MAPKBP1: variants seen among roughly 807,000 people sequenced by gnomAD.
MAPKBP1 encodes the protein mitogen-activated protein kinase binding protein 1.
In MAPKBP1, 71 loss-of-function variants were observed where a neutral mutation model predicts 170.5. The ratio of observed to expected loss-of-function variants is 0.42; its 90% CI spans 0.34 to 0.51. The LOEUF (loss-of-function observed/expected upper bound fraction) is 0.51, where lower values mean the gene tolerates loss of function less well. Ranked by LOEUF, MAPKBP1 falls within the 20% of genes least tolerant of loss-of-function variation. The pLI is 0.06. For synonymous variants in MAPKBP1, 719 were observed against 757.9 expected, an observed-to-expected ratio of 0.95 and a Z score of 0.84; for missense variants, 1,598 against 1,933.0, an observed-to-expected ratio of 0.83 and a Z score of 3.25.
chr15:41,819,555 G>GGTGC, intron 21 of MAPKBP1, 40 bp from the exon 22 acceptor site: 1 of 1,481,944 alleles, frequency 6.7e-7, no homozygotes, highest in Non-Finnish European at 9.3e-7. Context: ...GGCGGGGGGG[G>GGTGC]GGCAGGAGAC....
intron 3 of MAPKBP1, among the ~76,000 whole-genome samples, chr15:41,805,009 C>T (rs1238431960): frequency 6.6e-6 from 1 of 152,178 alleles, no homozygotes; most frequent in African/African-American, 2.4e-5. Flanking sequence ...TACACTGCCC[C>T]CAGCCCCCAC....
chr15:41,805,214 C>T (rs918259241), intron 3 of MAPKBP1, among the ~76,000 whole-genome samples: 3 of 152,200 alleles, frequency 2.0e-5, no homozygotes, highest in South Asian at 2.1e-4. Context: ...GTAGGAGCTC[C>T]AGGCTGAGCA....
chr15:41,793,284 G>A (rs1199675937), intron 2 of MAPKBP1, among the ~76,000 whole-genome samples: 2 of 152,098 alleles, frequency 1.3e-5, no homozygotes, highest in Non-Finnish European at 2.9e-5. Flanking sequence ...TCAGGAGATC[G>A]AGACCATACT....
chr15:41,790,346 A>G (rs1233023269), intron 2 of MAPKBP1, among the ~76,000 whole-genome samples: 1 of 152,172 alleles, frequency 6.6e-6, no homozygotes, highest in African/African-American at 2.4e-5. Context: ...CCTACTCCTT[A>G]TCTTTTCATT....
In MAPKBP1 at chr15:41,825,847, G is replaced by A. The variant is rs1298957992; in HGVS notation, c.*411G>A. The A allele has an allele frequency of 4.4e-5, 7 of 158,238 alleles. No individual in the cohort carries two copies. Among genetic ancestry groups the A allele is most frequent in the African/African-American group, 1.7e-4 (7 of 41,718 alleles). The allele number at this position is 158,238 out of a possible 1,614,324, so 9.8% of individuals were successfully genotyped here. A position where few individuals can be genotyped will look rare whatever the true frequency, so the allele number is the denominator to read the frequency against. ...CTCTGGGGTCGAGGTGAGAGGTGAT[G>A]TGGTATTCAGTGCCCGTCAGCCAAC... On this transcript the variant is annotated 3_prime_UTR_variant, in exon 31 of 31. Coordinates refer to ENST00000457542, the MANE Select transcript of MAPKBP1 (RefSeq NM_014994.3).
chr15:41,821,365 A>G, intron 23 of MAPKBP1: 1 of 608,982 alleles, frequency 1.6e-6, no homozygotes, highest in South Asian at 2.0e-5. Context: ...GTGCTAATAT[A>G]GTTCATCCAG....
chr15:41,813,507 C>T, intron 8 of MAPKBP1, 114 bp from the exon 9 acceptor site: 3 of 1,487,390 alleles, frequency 2.0e-6, no homozygotes, highest in South Asian at 1.2e-5. Context: ...GCGGCTTTTC[C>T]CTTGCCCCTG....
At chr15:41,809,824 G>T (rs1164049691) in intron 3 of MAPKBP1, among the ~76,000 whole-genome samples, 1 of 152,242 alleles carries the variant, frequency 6.6e-6, no homozygotes, top group Admixed American at 6.5e-5. Flanking sequence ...TGACGGGAGA[G>T]GTTGCCCCCA....
At chr15:41,794,612 T>C (rs1016196292) in intron 2 of MAPKBP1, among the ~76,000 whole-genome samples, 1 of 152,170 alleles carries the variant, frequency 6.6e-6, no homozygotes, top group Non-Finnish European at 1.5e-5. Context: ...TTTATTGGTC[T>C]GAAATACCCC....
In MAPKBP1 at chr15:41,814,532, C is replaced by G; in HGVS notation, c.981-18C>G. 1.2e-6 allele frequency: 2 copies of G among 1,612,564 alleles called. No homozygotes were observed. Among genetic ancestry groups the G allele is most frequent in the Non-Finnish European group, 1.7e-6 (2 of 1,178,928 alleles). On this transcript the variant is annotated intron_variant, in intron 9 of 30. Coordinates refer to ENST00000457542, the MANE Select transcript of MAPKBP1 (RefSeq NM_014994.3). ...ATTCCCTTCAGTCTGACCAGTGTGCCCTGTCCTCTCCCTACAGTCGCCTCT... is the reference window on the plus strand; with the variant it reads ...ATTCCCTTCAGTCTGACCAGTGTGCGCTGTCCTCTCCCTACAGTCGCCTCT...
At chr15:41,797,010 C>T (rs1380782709) in intron 2 of MAPKBP1, among the ~76,000 whole-genome samples, 1 of 152,124 alleles carries the variant, frequency 6.6e-6, no homozygotes, top group Non-Finnish European at 1.5e-5. Flanking sequence ...TATGCACACA[C>T]GTCTCTATAT....
Position 41,816,541 on chromosome 15 carries a change from C to T in MAPKBP1, c.1494-18C>T, listed in dbSNP as rs1250653008. On this transcript the variant is annotated intron_variant, in intron 12 of 30. Transcript: ENST00000457542. ...CGGCCTGGCCATGGCCTCTTCCCACCTCTCCTCATCTTTGCAGGGTGCACG... is the reference window on the plus strand; with the variant it reads ...CGGCCTGGCCATGGCCTCTTCCCACTTCTCCTCATCTTTGCAGGGTGCACG... 3.8e-6 allele frequency: 6 copies of T among 1,597,540 alleles called. No homozygotes were observed. The Admixed American group carries it at 1.0e-4, about 27-fold the overall frequency.
At position 41,810,901 on chromosome 15, in the gene MAPKBP1, C is replaced by G. The variant is rs1168441168; in HGVS notation, c.225C>G (p.Phe75Leu). The change falls in exon 4 of 31, where the codon TTC (phenylalanine) becomes TTG (leucine). Residue 75 changes from phenylalanine to leucine, a missense_variant. Physicochemically the swap from Phe to Leu is conservative, Grantham distance 22. Transcript: ENST00000457542. ...TCCTCAGGTGTGTGGTTGTGTTGTT[C>G]AATCCCCGGAAACACAAACAGCACC... ...AYPAGCVVVL[F>L]NPRKHKQHHI... 6.2e-7 allele frequency: 1 copy of G among 1,614,032 alleles called. No homozygotes were observed. Among genetic ancestry groups the G allele is most frequent in the Non-Finnish European group, 8.5e-7 (1 of 1,180,032 alleles).
Position 41,822,121 on chromosome 15 carries a change from A to T in MAPKBP1, c.3031+11A>T. ...AGCACCCCACTGAAGGTGAGGCTGT[A>T]GCCTGGAGGGAGGGGCCATGGGGGG... On this transcript the variant is annotated intron_variant, in intron 25 of 30. Coordinates refer to ENST00000457542, the MANE Select transcript of MAPKBP1 (RefSeq NM_014994.3). The T allele has an allele frequency of 1.4e-6, 2 of 1,459,018 alleles. No homozygotes were observed. Among genetic ancestry groups the T allele is most frequent in the Non-Finnish European group, 1.9e-6 (2 of 1,075,530 alleles). 90.4% of individuals were successfully genotyped at this position (1,459,018 alleles called of 1,614,324 possible).
Position 41,823,630 on chromosome 15 carries a change from A to T in MAPKBP1, c.3782A>T (p.Asn1261Ile), listed in dbSNP as rs1437008489. 6.2e-7 allele frequency: 1 copy of T among 1,613,962 alleles called. No individual in the cohort carries two copies. The highest frequency in any genetic ancestry group is 2.2e-5 in the East Asian group (1 of 44,876). The change falls in exon 29 of 31, where the codon AAC becomes ATC. Residue 1261 changes from asparagine to isoleucine, a missense_variant. Transcript: ENST00000457542. ...KISRSISVGE[N>I]LGLVAEPQAH... ...TCCCGCAGTATCTCTGTTGGGGAGA[A>T]CCTGGGCCTGGTGGCTGAACCTCAA...
At chr15:41,821,925 T>A in intron 24 of MAPKBP1, 40 bp from the exon 25 acceptor site, 8 of 1,601,564 alleles carry the variant, frequency 5.0e-6, no homozygotes, top group Non-Finnish European at 6.8e-6. Flanking sequence ...TGCCTACCCC[T>A]GCTCACTGCC....
At chr15:41,815,185 C>T in intron 10 of MAPKBP1, 74 bp from the exon 11 acceptor site, 1 of 1,573,880 alleles carries the variant, frequency 6.4e-7, no homozygotes, top group Admixed American at 1.7e-5. Context: ...TCGTCCCATT[C>T]CCTTCCATCT....
chr15:41,780,790 C>G (rs1328718736), intron 2 of MAPKBP1, among the ~76,000 whole-genome samples: 1 of 151,236 alleles, frequency 6.6e-6, no homozygotes, highest in Non-Finnish European at 1.5e-5. Flanking sequence ...GTGAGGAAGG[C>G]AAGAAATAAA....
chr15:41,790,016 C>G (rs959007961), intron 2 of MAPKBP1, among the ~76,000 whole-genome samples: 2 of 152,218 alleles, frequency 1.3e-5, no homozygotes, highest in Non-Finnish European at 2.9e-5. Context: ...CCACTCACTA[C>G]TTACTCTTTC....
Sources: gnomAD v4.1 joint callset for allele counts (sites outside exome capture counted in the v4.1 genomes callset) on GRCh38, gnomAD v4.1.1 for gene constraint, MANE v1.5 for transcripts, NCBI Gene and HGNC (gene_info 2026-07-23, HGNC 2026-07-21) for gene names.